The following RBFOX1 variants were observed in gnomAD, a reference collection of about 807,000 sequenced individuals.
RBFOX1 encodes RNA binding fox-1 homolog 1.
Under a neutral mutation model 57.7 loss-of-function variants are expected in RBFOX1, and 8 were observed. The ratio of observed to expected loss-of-function variants is 0.14; its 90% confidence interval spans 0.08 to 0.25. The LOEUF (loss-of-function observed/expected upper bound fraction) is 0.25. Ranked by LOEUF, RBFOX1 falls within the 10% of genes least tolerant of loss-of-function variation. RBFOX1 has a pLI of 1.00. For synonymous variants in RBFOX1, 326 were observed against 222.4 expected, an observed-to-expected ratio of 1.47 and a Z score of -4.15; for missense variants, 611 against 548.5, an observed-to-expected ratio of 1.11 and a Z score of -1.14.
chr16:6,762,778 C>T (rs918375193), intron 3 of RBFOX1, among the ~76,000 whole-genome samples: 17 of 152,068 alleles, frequency 1.1e-4, no homozygotes, highest in Admixed American at 3.3e-4. Flanking sequence ...AGGGGGTAGT[C>T]AGGAAGACAG....
At chr16:6,255,586 A>C (rs1400112676) in intron 1 of RBFOX1, among the ~76,000 whole-genome samples, 1 of 152,118 alleles carries the variant, frequency 6.6e-6, no homozygotes, top group Admixed American at 6.6e-5. Flanking sequence ...TCAGTGTCCT[A>C]TAAGGTTAGC....
chr16:7,252,902 C>G (rs967183440), intron 4 of RBFOX1, among the ~76,000 whole-genome samples: 1 of 152,040 alleles, frequency 6.6e-6, no homozygotes, highest in African/African-American at 2.4e-5. Context: ...GAGCCGTTAT[C>G]TTAGAGCCTC....
At chr16:7,286,713 T>C (rs1398782760) in intron 4 of RBFOX1, among the ~76,000 whole-genome samples, 1 of 144,254 alleles carries the variant, frequency 6.9e-6, no homozygotes, top group African/African-American at 2.6e-5. Context: ...AAGCTCCGCC[T>C]CCTGGGTACC....
chr16:6,995,719 C>T lies in RBFOX1; in HGVS notation c.-15-56338C>T, dbSNP rs1030610926. On this transcript the variant is annotated intron_variant, in intron 3 of 15. Coordinates refer to ENST00000550418, the MANE Select transcript of RBFOX1 (RefSeq NM_018723.4). ...GAGGTTGCAGTGAGCCAAGATCATG[C>T]CACCGCACTGCAGCCTGGGCCATAG... Among the ~76,000 whole-genome samples, 7 of 145,608 alleles carry T rather than the reference C, an allele frequency of 4.8e-5. No homozygotes were observed. In the South Asian group the frequency reaches 1.5e-3, roughly 30 times the overall value.
At chr16:6,839,312 C>T (rs918139769) in intron 3 of RBFOX1, among the ~76,000 whole-genome samples, 1 of 152,160 alleles carries the variant, frequency 6.6e-6, no homozygotes, top group Non-Finnish European at 1.5e-5. Flanking sequence ...CTGCCTCAGT[C>T]TGAAAACGAT....
chr16:6,737,975 G>C (rs1050463857), intron 3 of RBFOX1, among the ~76,000 whole-genome samples: 1 of 151,292 alleles, frequency 6.6e-6, no homozygotes. Flanking sequence ...CCAGAGAAAA[G>C]TGCTAAATAA....
intron 4 of RBFOX1, among the ~76,000 whole-genome samples, chr16:5,980,150 A>T (rs1261486059): frequency 2.0e-5 from 3 of 152,208 alleles, no homozygotes; most frequent in Non-Finnish European, 4.4e-5. Context: ...GCTATCATAA[A>T]CAATTCTGTT....
intron 2 of RBFOX1, among the ~76,000 whole-genome samples, chr16:6,443,609 T>C (rs528466220): frequency 1.1e-4 from 16 of 152,350 alleles, no homozygotes; most frequent in Admixed American, 2.6e-4. Flanking sequence ...CACAAGCTCA[T>C]TGATGAGAGT....
intron 3 of RBFOX1, among the ~76,000 whole-genome samples, chr16:7,021,275 C>G (rs1037069943): frequency 6.6e-6 from 1 of 150,402 alleles, no homozygotes; most frequent in Non-Finnish European, 1.5e-5. Context: ...CTTGAGTCCT[C>G]TTGGTTTCAT....
chr16:6,857,175 C>A (rs1035304130), intron 3 of RBFOX1, among the ~76,000 whole-genome samples: 1 of 152,156 alleles, frequency 6.6e-6, no homozygotes, highest in Non-Finnish European at 1.5e-5. Flanking sequence ...AAAAGACTTT[C>A]AGGTTCCTGC....
At chr16:6,928,667 C>T (rs1354711924) in intron 3 of RBFOX1, among the ~76,000 whole-genome samples, 1 of 152,056 alleles carries the variant, frequency 6.6e-6, no homozygotes, top group African/African-American at 2.4e-5. Flanking sequence ...AAAAGTAGCC[C>T]TCAAATTACT....
intron 2 of RBFOX1, among the ~76,000 whole-genome samples, chr16:5,526,138 C>G (rs780324477): frequency 3.3e-5 from 5 of 152,100 alleles, no homozygotes; most frequent in Non-Finnish European, 7.3e-5. Flanking sequence ...GCCTCTGTCT[C>G]GAGAGTGACT....
chr16:5,631,916 T>TA (rs1306091462), intron 3 of RBFOX1, among the ~76,000 whole-genome samples: 28 of 152,278 alleles, frequency 1.8e-4, no homozygotes, highest in Admixed American at 1.8e-3. Flanking sequence ...AGGTGAATGA[T>TA]AGAGTGGAGA....
At chr16:6,713,631 A>G (rs1206281917) in intron 3 of RBFOX1, among the ~76,000 whole-genome samples, 1 of 152,178 alleles carries the variant, frequency 6.6e-6, no homozygotes, top group Non-Finnish European at 1.5e-5. Flanking sequence ...TCCATTGGGA[A>G]CAACAGCTTC....
At chr16:7,408,695 T>A (rs1448684155) in intron 4 of RBFOX1, among the ~76,000 whole-genome samples, 1 of 152,182 alleles carries the variant, frequency 6.6e-6, no homozygotes, top group African/African-American at 2.4e-5. Flanking sequence ...CATGTACTTT[T>A]TTGTTATAGG....
intron 2 of RBFOX1, among the ~76,000 whole-genome samples, chr16:6,632,875 G>T (rs1218164359): frequency 6.6e-6 from 1 of 152,166 alleles, no homozygotes; most frequent in African/African-American, 2.4e-5. Flanking sequence ...ACAAGGGGAT[G>T]GGACCATTTG....
chr16:7,667,654 A>G (rs1238302874), intron 13 of RBFOX1, among the ~76,000 whole-genome samples: 2 of 150,060 alleles, frequency 1.3e-5, no homozygotes, highest in Non-Finnish European at 3.0e-5. Context: ...GACACATCAG[A>G]TACCTCGAAT....
intron 3 of RBFOX1, among the ~76,000 whole-genome samples, chr16:6,770,243 A>G (rs2078061562): frequency 6.6e-6 from 1 of 152,198 alleles, no homozygotes; most frequent in African/African-American, 2.4e-5. Context: ...ATAGGAAAGT[A>G]CTTACCACAT....
intron 2 of RBFOX1, among the ~76,000 whole-genome samples, chr16:5,513,908 T>G (rs144142814): frequency 0.012 from 1,793 of 152,276 alleles, 14 homozygotes; most frequent in Middle Eastern, 0.031. Flanking sequence ...AAATAATACA[T>G]TAATTCAATA....
Sources: gnomAD v4.1 joint callset for allele counts (sites outside exome capture counted in the v4.1 genomes callset) on GRCh38, gnomAD v4.1.1 for gene constraint, MANE v1.5 for transcripts, NCBI Gene and HGNC (gene_info 2026-07-23, HGNC 2026-07-21) for gene names.